ARID4B: variants seen among roughly 807,000 people sequenced by gnomAD.
The protein encoded by ARID4B is AT-rich interaction domain 4B.
In ARID4B, 26 loss-of-function variants were observed where a neutral mutation model predicts 147.5. That is an observed-to-expected ratio of 0.18 (90% CI 0.13 to 0.24). ARID4B has a LOEUF of 0.24. Ranked by LOEUF, ARID4B falls within the 10% of genes least tolerant of loss-of-function variation. The pLI is 1.00. For synonymous variants in ARID4B, 512 were observed against 507.9 expected (o/e 1.01, Z -0.11); for missense variants, 1,179 against 1,511.5 (o/e 0.78, Z 3.65).
chr1:235,303,055 C>T (rs924134303), intron 2 of ARID4B, among the ~76,000 whole-genome samples: 1 of 152,106 alleles, frequency 6.6e-6, no homozygotes, highest in Non-Finnish European at 1.5e-5. Context: ...TCTCGACTAG[C>T]TGGGACTACA....
intron 13 of ARID4B, among the ~76,000 whole-genome samples, 155 bp downstream of exon 13, chr1:235,223,011 C>G (rs1416366312): frequency 2.0e-5 from 3 of 152,052 alleles, no homozygotes; most frequent in African/African-American, 7.2e-5. Context: ...TAAATTTTGT[C>G]TGAGGAGGCT....
chr1:235,275,481 T>G (rs34657023), intron 2 of ARID4B, among the ~76,000 whole-genome samples: 5 of 152,288 alleles, frequency 3.3e-5, no homozygotes, highest in Non-Finnish European at 7.4e-5. Flanking sequence ...TAAGAAACTG[T>G]GGGTTCTCTG....
intron 6 of ARID4B, among the ~76,000 whole-genome samples, chr1:235,250,879 A>G (rs963475907): frequency 3.9e-5 from 6 of 151,974 alleles, no homozygotes; most frequent in African/African-American, 1.4e-4. Context: ...TCTCCTGGTT[A>G]AAAAAAATAA....
intron 2 of ARID4B, among the ~76,000 whole-genome samples, chr1:235,270,951 T>TA (rs1299450354): frequency 6.6e-6 from 1 of 152,224 alleles, no homozygotes; most frequent in Non-Finnish European, 1.5e-5. Context: ...CTGGGCATGT[T>TA]AGTAATAACT....
chr1:235,312,215 G>A (rs1233906554), intron 2 of ARID4B, among the ~76,000 whole-genome samples: 2 of 152,124 alleles, frequency 1.3e-5, no homozygotes, highest in Non-Finnish European at 2.9e-5. Flanking sequence ...GAACCCGGGA[G>A]GCAGAGGTTG....
intron 2 of ARID4B, among the ~76,000 whole-genome samples, chr1:235,269,573 A>G (rs1438815156): frequency 6.6e-6 from 1 of 152,192 alleles, no homozygotes; most frequent in Admixed American, 6.5e-5. Flanking sequence ...TTGCTCTTAA[A>G]AAGTTTGAAC....
At chr1:235,208,760 G>A (rs946136587) in intron 17 of ARID4B, among the ~76,000 whole-genome samples, 10 of 151,876 alleles carry the variant, frequency 6.6e-5, no homozygotes, top group African/African-American at 2.2e-4. Flanking sequence ...CAGGTGATCC[G>A]CCCACCTCGG....
intron 2 of ARID4B, among the ~76,000 whole-genome samples, chr1:235,312,278 C>T (rs1674102987): frequency 6.7e-6 from 1 of 149,614 alleles, no homozygotes; most frequent in African/African-American, 2.5e-5. Flanking sequence ...GAGCGACAGT[C>T]CGTCTCAAAG....
rs1478298429 is a variant in ARID4B at position 235,174,705 on chromosome 1, G to A, written c.3664+479C>T. The stretch of plus-strand genomic sequence containing the variant: ...TGGGCGTCTGTAATCCCAACTACTC[G>A]GGAGGTTGAGGCAGGAGAATCATTT... On this transcript the variant is annotated intron_variant, in intron 22 of 23. Transcript: ENST00000264183. 2.6e-5 allele frequency among the ~76,000 whole-genome samples: 4 copies of A among 152,002 alleles called. No individual in the cohort carries two copies. The East Asian group carries it at 5.8e-4, about 22-fold the overall frequency.
intron 20 of ARID4B, among the ~76,000 whole-genome samples, chr1:235,178,259 G>T (rs1319583697): frequency 6.6e-6 from 1 of 152,056 alleles, no homozygotes; most frequent in African/African-American, 2.4e-5. Context: ...AATTTGTTAA[G>T]ATTCAATAAA....
intron 19 of ARID4B, 87 bp from the exon 20 acceptor site, chr1:235,182,880 C>G (rs771140502): frequency 1.5e-6 from 2 of 1,346,720 alleles, no homozygotes; most frequent in Non-Finnish European, 2.0e-6. Flanking sequence ...ATATTAGGTC[C>G]TGTGTATACA....
chr1:235,215,545 ATATG>A (rs1475372428), intron 16 of ARID4B, among the ~76,000 whole-genome samples: 2 of 108,960 alleles, frequency 1.8e-5, no homozygotes, highest in South Asian at 3.9e-4. Flanking sequence ...GCACACATAT[ATATG>A]TGTGTGTGTG....
chr1:235,197,018 A>C (rs992758315), intron 17 of ARID4B, among the ~76,000 whole-genome samples: 1 of 152,280 alleles, frequency 6.6e-6, no homozygotes, highest in African/African-American at 2.4e-5. Flanking sequence ...ATGTACAGAC[A>C]GCTGAGTCAA....
At chr1:235,301,186 G>A (rs984591895) in intron 2 of ARID4B, among the ~76,000 whole-genome samples, 2 of 151,136 alleles carry the variant, frequency 1.3e-5, no homozygotes, top group African/African-American at 2.4e-5. Flanking sequence ...ACACCCAGGC[G>A]AATCTACTTT....
intron 19 of ARID4B, among the ~76,000 whole-genome samples, chr1:235,186,649 T>G (rs1372098169): frequency 6.6e-6 from 1 of 151,924 alleles, no homozygotes; most frequent in East Asian, 1.9e-4. Flanking sequence ...ATGATCCACC[T>G]GCCTCGGCCT....
Position 235,214,837 on chromosome 1 carries a change from CTTTT to C in ARID4B, c.1584-815_1584-812del, listed in dbSNP as rs10657168. On this transcript the variant is annotated intron_variant, in intron 16 of 23. Transcript: ENST00000264183. ...ACTATTCTAGAAAGAGTATTACATCCTTTTTTTTTTTTTTTTTTTTGATAGATTT... is the reference window on the plus strand; with the variant it reads ...ACTATTCTAGAAAGAGTATTACATCCTTTTTTTTTTTTTTTTGATAGATTT... Among the ~76,000 whole-genome samples, 117 of 102,324 alleles carry C rather than the reference CTTTT, an allele frequency of 1.1e-3. 1 individual carries two copies. The highest frequency in any genetic ancestry group is 2.4e-3 in the Admixed American group (18 of 7,534). 67.1% of individuals were successfully genotyped at this position (102,324 alleles called of 152,430 possible). A position where few individuals can be genotyped will look rare whatever the true frequency, so the allele number is the denominator to read the frequency against.
intron 2 of ARID4B, among the ~76,000 whole-genome samples, chr1:235,317,977 AG>A (rs1162718354): frequency 6.6e-6 from 1 of 152,202 alleles, no homozygotes; most frequent in Admixed American, 6.5e-5. Flanking sequence ...CCAGGACCCA[AG>A]AGAATTAAAA....
intron 2 of ARID4B, among the ~76,000 whole-genome samples, chr1:235,276,529 G>C (rs1030620523): frequency 6.6e-6 from 1 of 152,016 alleles, no homozygotes; most frequent in African/African-American, 2.4e-5. Context: ...TGTCATGGTG[G>C]TGCACATCTG....
In ARID4B at chr1:235,322,758, G is replaced by A. The variant is rs145915046; in HGVS notation, c.6+4156C>T. ...TTCTATATTACCTGATATATGAAACGGGTTGTTGTTAAATGAATGACTTAT... is the reference window on the plus strand; with the variant it reads ...TTCTATATTACCTGATATATGAAACAGGTTGTTGTTAAATGAATGACTTAT... On this transcript the variant is annotated intron_variant, in intron 2 of 23. Coordinates refer to ENST00000264183, the MANE Select transcript of ARID4B (RefSeq NM_016374.6). Among the ~76,000 whole-genome samples the A allele has an allele frequency of 2.8e-3, 420 of 152,150 alleles. 4 individuals are homozygous for A. The highest frequency in any genetic ancestry group is 9.7e-3 in the African/African-American group (402 of 41,508).
Sources: allele counts gnomAD v4.1 joint callset (sites outside exome capture counted in the v4.1 genomes callset), GRCh38; gene constraint gnomAD v4.1.1; transcripts MANE v1.5; gene names NCBI Gene and HGNC (gene_info 2026-07-23, HGNC 2026-07-21).